RIT2: variants seen among roughly 807,000 people sequenced by gnomAD.
The protein encoded by RIT2 is Ras like without CAAX 2.
RIT2 carries 24 observed loss-of-function variants against 23.7 expected under a neutral mutation model. That is an observed-to-expected ratio of 1.01 (90% confidence interval 0.73 to 1.43). The LOEUF (loss-of-function observed/expected upper bound fraction) is 1.43. Ranked by LOEUF, RIT2 falls within the 40% of genes most tolerant of loss-of-function variation. The pLI, the probability that RIT2 is intolerant of heterozygous loss-of-function variation, is 0.00. For missense variants in RIT2, 236 were observed against 266.9 expected, an observed-to-expected ratio of 0.88 and a Z score of 0.81; for synonymous variants, 107 against 91.1, an observed-to-expected ratio of 1.17 and a Z score of -0.99.
intron 3 of RIT2, among the ~76,000 whole-genome samples, chr18:42,973,507 C>T (rs1337829226): frequency 2.6e-5 from 4 of 151,818 alleles, no homozygotes; most frequent in Non-Finnish European, 5.9e-5. Context: ...AAATCTTATA[C>T]CTTTCCTCAC....
chr18:42,877,133 G>A (rs1907763714), intron 4 of RIT2, among the ~76,000 whole-genome samples: 3 of 151,720 alleles, frequency 2.0e-5, no homozygotes, highest in African/African-American at 7.2e-5. Flanking sequence ...TGACATTTTT[G>A]AAACTAAAGA....
intron 2 of RIT2, among the ~76,000 whole-genome samples, chr18:43,019,775 A>G (rs546319089): frequency 5.9e-5 from 9 of 152,238 alleles, no homozygotes; most frequent in Admixed American, 1.3e-4. Context: ...ATGATCTTAT[A>G]TTTAGAAAAC....
chr18:42,867,627 A>C (rs1907508185), intron 4 of RIT2, among the ~76,000 whole-genome samples: 1 of 122,072 alleles, frequency 8.2e-6, no homozygotes, highest in Admixed American at 8.2e-5. Context: ...TTCTGCCAAA[A>C]ATTAAAAAAA....
At chr18:42,771,618 C>G (rs1033049153) in intron 4 of RIT2, among the ~76,000 whole-genome samples, 7 of 152,042 alleles carry the variant, frequency 4.6e-5, no homozygotes, top group Non-Finnish European at 1.0e-4. Flanking sequence ...TTGATTTGAA[C>G]AAATACATGG....
intron 4 of RIT2, among the ~76,000 whole-genome samples, chr18:42,795,999 A>G (rs1439049094): frequency 6.6e-6 from 1 of 152,122 alleles, no homozygotes; most frequent in Non-Finnish European, 1.5e-5. Flanking sequence ...GGCTCTACCA[A>G]TCAGCAGGAT....
At chr18:43,016,335 C>T (rs896771689) in intron 2 of RIT2, among the ~76,000 whole-genome samples, 10 of 151,718 alleles carry the variant, frequency 6.6e-5, no homozygotes, top group African/African-American at 2.4e-4. Flanking sequence ...TTGCTTTTTA[C>T]ATAGTTAATT....
intron 1 of RIT2, among the ~76,000 whole-genome samples, chr18:43,055,032 T>G (rs2144314406): frequency 6.6e-6 from 1 of 152,206 alleles, no homozygotes. Flanking sequence ...CCTTCAGGCT[T>G]GTGGAAGTAG....
intron 2 of RIT2, among the ~76,000 whole-genome samples, chr18:42,982,265 CT>C (rs1164543741): frequency 6.6e-6 from 1 of 152,132 alleles, no homozygotes; most frequent in Non-Finnish European, 1.5e-5. Flanking sequence ...GAGGAAAAGT[CT>C]GTCTCAGCTC....
At chr18:42,850,807 A>AG (rs1205562471) in intron 4 of RIT2, among the ~76,000 whole-genome samples, 1 of 152,140 alleles carries the variant, frequency 6.6e-6, no homozygotes, top group Non-Finnish European at 1.5e-5. Context: ...ACTTTGTCCA[A>AG]GGTGCTTCCT....
chr18:43,099,388 G>T (rs929379390), intron 1 of RIT2, among the ~76,000 whole-genome samples: 1 of 151,856 alleles, frequency 6.6e-6, no homozygotes. Flanking sequence ...ATTAAGTAAC[G>T]TAAGTTTGCA....
intron 1 of RIT2, among the ~76,000 whole-genome samples, chr18:43,098,506 G>A (rs74858444): frequency 0.049 from 7,410 of 151,930 alleles, 229 homozygotes; most frequent in South Asian, 0.12. Flanking sequence ...AAGTAAGGGA[G>A]AATAAAGTCA....
chr18:42,836,777 C>T (rs1398079803), intron 4 of RIT2, among the ~76,000 whole-genome samples: 2 of 152,304 alleles, frequency 1.3e-5, no homozygotes, highest in Middle Eastern at 3.4e-3. Context: ...TCCCATCTCC[C>T]TTCAGAAGGA....
chr18:42,995,597 C>T (rs147630683), intron 2 of RIT2, among the ~76,000 whole-genome samples: 4,099 of 152,188 alleles, frequency 0.027, 171 homozygotes, highest in African/African-American at 0.09. Flanking sequence ...CCTTACAGTC[C>T]TCAGTCTTCA....
chr18:42,783,663 A>G (rs1913861765), intron 4 of RIT2, among the ~76,000 whole-genome samples: 1 of 152,134 alleles, frequency 6.6e-6, no homozygotes, highest in South Asian at 2.1e-4. Context: ...ATTAAGCGCT[A>G]CTTAATTCTG....
At chr18:42,777,894 C>T (rs547305673) in intron 4 of RIT2, among the ~76,000 whole-genome samples, 237 of 152,204 alleles carry the variant, frequency 1.6e-3, no homozygotes, top group Middle Eastern at 3.4e-3. Flanking sequence ...ATAAAATAAT[C>T]ATATATATTT....
intron 1 of RIT2, among the ~76,000 whole-genome samples, chr18:43,072,625 T>G (rs1215848135): frequency 6.6e-6 from 1 of 152,184 alleles, no homozygotes; most frequent in Non-Finnish European, 1.5e-5. Flanking sequence ...GTCTAGTTCT[T>G]GCTCAGAGGA....
At chr18:42,921,142 A>G (rs1038402932) in intron 4 of RIT2, among the ~76,000 whole-genome samples, 40 of 152,292 alleles carry the variant, frequency 2.6e-4, no homozygotes, top group African/African-American at 9.4e-4. Flanking sequence ...GAGTGGTTAC[A>G]AGATAAAAGT....
intron 4 of RIT2, among the ~76,000 whole-genome samples, chr18:42,846,927 G>A (rs574892182): frequency 6.6e-6 from 1 of 152,144 alleles, no homozygotes; most frequent in South Asian, 2.1e-4. Context: ...AGAACACTTG[G>A]TATCTTGAAC....
In RIT2 at chr18:42,995,996, A is replaced by G. The variant is rs540210840; in HGVS notation, c.161-21849T>C. Among the ~76,000 whole-genome samples, 7 of 152,326 alleles carry G rather than the reference A, an allele frequency of 4.6e-5. No individual in the cohort carries two copies. In the East Asian group the frequency reaches 1.4e-3, roughly 29 times the overall value. ...AACTGCCACTCTTAACTCTTAAAGT[A>G]AATAAATAATCTTTGCTGGTAGGAC... On this transcript the variant is annotated intron_variant, in intron 2 of 4. Coordinates refer to ENST00000326695, the MANE Select transcript of RIT2 (RefSeq NM_002930.4).
Sources: allele counts gnomAD v4.1 joint callset (sites outside exome capture counted in the v4.1 genomes callset), GRCh38; gene constraint gnomAD v4.1.1; transcripts MANE v1.5; gene names NCBI Gene and HGNC (gene_info 2026-07-23, HGNC 2026-07-21).